Variants in TBC1D8B observed in about 807,000 individuals in gnomAD.
The protein encoded by TBC1D8B is RP11-321G1.1.
In TBC1D8B, 75 loss-of-function variants were observed where a neutral mutation model predicts 82.9. The ratio of observed to expected loss-of-function variants is 0.90; its 90% confidence interval spans 0.75 to 1.10. The LOEUF (loss-of-function observed/expected upper bound fraction) is 1.10, where lower values mean the gene tolerates loss of function less well. Ranked by LOEUF, TBC1D8B falls within the 50% of genes least tolerant of loss-of-function variation. The probability of loss-of-function intolerance (pLI) is 0.00; values close to 1 mark genes in which losing one functional copy is unlikely to be tolerated. For missense variants in TBC1D8B, 794 were observed against 796.9 expected (o/e 1.00, Z 0.04); for synonymous variants, 276 against 276.8 (o/e 1.00, Z 0.03).
rs1413402520 is a variant in TBC1D8B at position 106,866,716 on chromosome X, A to ATTAATG, written c.2663-80_2663-79insTAATGT. 8.3e-6 allele frequency: 6 copies of ATTAATG among 723,350 alleles called. No individual in the cohort carries two copies. The Admixed American group carries it at 2.0e-4, about 25-fold the overall frequency. 59.6% of individuals were successfully genotyped at this position (723,350 alleles called of 1,213,427 possible). On this transcript the variant is annotated intron_variant, in intron 16 of 20. Transcript: ENST00000357242. ...ATCCTAATTTTTGACTAATGTCTAT[A>ATTAATG]TCTTAATTAATCTTTGTTGCTGAAA...
rs573363546 is a variant in TBC1D8B, at chrX:106,818,143, T to C, written c.131-520T>C. ...TAAATAATAATAGTATTAACTAATATCGGGTGTTTTACTGTGTGCTAAGCA... is the reference window on the plus strand; with the variant it reads ...TAAATAATAATAGTATTAACTAATACCGGGTGTTTTACTGTGTGCTAAGCA... On this transcript the variant is annotated intron_variant, in intron 1 of 20. Coordinates refer to ENST00000357242, the MANE Select transcript of TBC1D8B (RefSeq NM_017752.3). 6.3e-4 allele frequency among the ~76,000 whole-genome samples: 70 copies of C among 111,303 alleles called. No homozygotes were observed. The Middle Eastern group carries it at 0.014, about 22-fold the overall frequency.
chrX:106,873,813 G>A lies in TBC1D8B; in HGVS notation c.3211G>A (p.Glu1071Lys), dbSNP rs935808424. ...GGAGAAAGATCCTTGTTCCTTTAGG[G>A]AGGAACCTCAGTGGTCATTTGCATT... ...HLEKDPCSFR[E>K]EPQWSFAFEQ... is the part of the protein sequence containing the mutation. Residue 1071 changes from glutamate to lysine, a missense_variant, in exon 21 of 21, where the codon GAG becomes AAG. Coordinates refer to ENST00000357242, the MANE Select transcript of TBC1D8B (RefSeq NM_017752.3). 1 of 1,212,002 alleles carries A rather than the reference G, an allele frequency of 8.3e-7. No individual in the cohort carries two copies. The highest frequency in any genetic ancestry group is 1.8e-5 in the South Asian group (1 of 56,984).
At chrX:106,862,169 A>G (rs1376304989) in intron 14 of TBC1D8B, among the ~76,000 whole-genome samples, 1 of 111,474 alleles carries the variant, frequency 9.0e-6, no homozygotes, top group African/African-American at 3.3e-5. Context: ...GCTGCCTTTA[A>G]TATTTTTTCT....
chrX:106,854,605 A>C (rs982827509), intron 14 of TBC1D8B, among the ~76,000 whole-genome samples: 3 of 110,296 alleles, frequency 2.7e-5, no homozygotes, highest in African/African-American at 9.9e-5. Context: ...CCTCTACCTC[A>C]TGGGCTCAAG....
intron 14 of TBC1D8B, among the ~76,000 whole-genome samples, chrX:106,858,561 C>G (rs1057302536): frequency 8.9e-6 from 1 of 112,419 alleles, no homozygotes; most frequent in Non-Finnish European, 1.9e-5. Context: ...CATGAGCCAC[C>G]ACACCTGGCC....
intron 14 of TBC1D8B, among the ~76,000 whole-genome samples, chrX:106,855,904 C>T: frequency 9.0e-6 from 1 of 111,361 alleles, no homozygotes; most frequent in Non-Finnish European, 1.9e-5. Context: ...GGCATGGTGG[C>T]ACACACTCGT....
At chrX:106,839,590 C>T in intron 8 of TBC1D8B, 133 bp downstream of exon 8, 1 of 548,667 alleles carries the variant, frequency 1.8e-6, no homozygotes. Flanking sequence ...GCAGGTACTA[C>T]TGTGTAACTT....
At chrX:106,821,574 A>G (rs748000797) in intron 3 of TBC1D8B, among the ~76,000 whole-genome samples, 9 of 111,299 alleles carry the variant, frequency 8.1e-5, no homozygotes, top group Admixed American at 5.7e-4. Context: ...CTAGGTATCT[A>G]TGGGGATTGG....
Position 106,822,065 on chromosome X carries a change from G to C in TBC1D8B, c.449G>C (p.Cys150Ser), listed in dbSNP as rs766131934. Residue 150 changes from cysteine to serine, a missense_variant, in exon 4 of 21, where the codon TGT becomes TCT. Cys to Ser is a moderately radical substitution (Grantham distance 112, BLOSUM62 -1). Coordinates refer to ENST00000357242, the MANE Select transcript of TBC1D8B (RefSeq NM_017752.3). The part of the protein sequence containing the change: ...FREALLKFEK[C>S]FGLPEKEKLV... ...GAAGCCCTTTTGAAATTTGAAAAATGTTTTGGTTTACCAGAGAAGGAGAAG... is the reference window on the plus strand; with the variant it reads ...GAAGCCCTTTTGAAATTTGAAAAATCTTTTGGTTTACCAGAGAAGGAGAAG... 3 of 1,210,545 alleles carry C rather than the reference G, an allele frequency of 2.5e-6. No homozygotes were observed. The highest frequency in any genetic ancestry group is 5.9e-5 in the East Asian group (2 of 33,801).
intron 7 of TBC1D8B, among the ~76,000 whole-genome samples, chrX:106,830,473 C>T (rs1932006068): frequency 9.0e-6 from 1 of 111,185 alleles, no homozygotes; most frequent in Non-Finnish European, 1.9e-5. Context: ...ATAAATCATG[C>T]TGCTATAAAG....
chrX:106,860,228 T>C (rs1316946278), intron 14 of TBC1D8B, among the ~76,000 whole-genome samples: 2 of 110,525 alleles, frequency 1.8e-5, no homozygotes, highest in African/African-American at 6.6e-5. Context: ...TAAGGAGGAG[T>C]CATTTCTCCT....
intron 1 of TBC1D8B, among the ~76,000 whole-genome samples, chrX:106,811,903 A>G (rs1200096962): frequency 1.8e-5 from 2 of 111,383 alleles, no homozygotes; most frequent in Non-Finnish European, 3.8e-5. Context: ...CCCAGAAGAC[A>G]TTGTAATCTG....
intron 14 of TBC1D8B, among the ~76,000 whole-genome samples, chrX:106,857,857 A>G (rs1213048119): frequency 8.9e-6 from 1 of 112,599 alleles, no homozygotes; most frequent in East Asian, 2.8e-4. Flanking sequence ...GCTATTGCAA[A>G]TAATGCTGTG....
intron 7 of TBC1D8B, chrX:106,829,048 A>C (rs34792486): frequency 2.4e-4 from 25 of 104,015 alleles, no homozygotes; most frequent in South Asian, 1.6e-3. Context: ...AAAACCCCAT[A>C]GTCTCAGCCC....
intron 5 of TBC1D8B, among the ~76,000 whole-genome samples, 173 bp from the exon 6 acceptor site, chrX:106,825,857 G>A (rs1368926537): frequency 8.9e-6 from 1 of 111,823 alleles, no homozygotes; most frequent in Non-Finnish European, 1.9e-5. Context: ...AAAGGAGTTT[G>A]CAAGGAATCA....
rs1932869284 is a variant in TBC1D8B at position 106,873,948 on chromosome X, T to G, written c.3346T>G (p.Ser1116Ala). The G allele has an allele frequency of 1.7e-6, 2 of 1,187,558 alleles. No individual in the cohort carries two copies. Among genetic ancestry groups the G allele is most frequent in the Non-Finnish European group, 2.3e-6 (2 of 884,914 alleles). The change falls in exon 21 of 21, where the codon TCT becomes GCT. Residue 1116 changes from serine (S) to alanine (A), a missense_variant. Transcript: ENST00000357242. ...LENARISQLR[S>A]RTKM ...AAATGCAAGAATTTCTCAGTTAAGG[T>G]CTAGAACCAAGATGTAAATCCCTAG...
chrX:106,850,856 C>T (rs1299144896), intron 12 of TBC1D8B, among the ~76,000 whole-genome samples: 1 of 111,801 alleles, frequency 8.9e-6, no homozygotes, highest in Admixed American at 9.5e-5. Context: ...CCATTATGTA[C>T]AGAATAAAAT....
intron 5 of TBC1D8B, among the ~76,000 whole-genome samples, chrX:106,825,216 A>G (rs1332790494): frequency 8.9e-6 from 1 of 111,970 alleles, no homozygotes; most frequent in Admixed American, 9.5e-5. Context: ...TATCCGAAGT[A>G]TTTTGAAAGA....
At chrX:106,816,784 A>G (rs987191056) in intron 1 of TBC1D8B, among the ~76,000 whole-genome samples, 1 of 110,897 alleles carries the variant, frequency 9.0e-6, no homozygotes, top group African/African-American at 3.3e-5. Flanking sequence ...TTTACTTTTT[A>G]TCAATTCCTG....
Sources: gnomAD v4.1 joint callset for allele counts (sites outside exome capture counted in the v4.1 genomes callset) on GRCh38, gnomAD v4.1.1 for gene constraint, MANE v1.5 for transcripts, NCBI Gene and HGNC (gene_info 2026-07-23, HGNC 2026-07-21) for gene names.